DLGAP1: variants seen among roughly 807,000 people sequenced by gnomAD.
DLGAP1 encodes the protein disks large-associated protein 1.
DLGAP1 carries 11 observed loss-of-function variants against 90.8 expected under a neutral mutation model. The ratio of observed to expected loss-of-function variants is 0.12; its 90% CI spans 0.08 to 0.20. The LOEUF (loss-of-function observed/expected upper bound fraction) is 0.20, where lower values mean the gene tolerates loss of function less well. Ranked by LOEUF, DLGAP1 falls within the 10% of genes least tolerant of loss-of-function variation. DLGAP1 has a pLI of 1.00. For synonymous variants in DLGAP1, 558 were observed against 540.7 expected (o/e 1.03, Z -0.44); for missense variants, 1,050 against 1,333.8 (o/e 0.79, Z 3.31).
chr18:3,795,440 T>C (rs1240805592), intron 5 of DLGAP1, among the ~76,000 whole-genome samples: 1 of 151,824 alleles, frequency 6.6e-6, no homozygotes, highest in Non-Finnish European at 1.5e-5. Flanking sequence ...CTCAGCCTCC[T>C]GAGTAGCTGG....
intron 4 of DLGAP1, among the ~76,000 whole-genome samples, chr18:3,864,973 T>C (rs2070300241): frequency 6.6e-6 from 1 of 152,048 alleles, no homozygotes; most frequent in Admixed American, 6.6e-5. Flanking sequence ...AAACACTTAG[T>C]TAACACTCTG....
chr18:3,936,609 T>C (rs989514593), intron 3 of DLGAP1, among the ~76,000 whole-genome samples: 2 of 152,232 alleles, frequency 1.3e-5, no homozygotes, highest in Non-Finnish European at 2.9e-5. Flanking sequence ...AGATTGTGAA[T>C]ACCTTGAGAT....
chr18:4,328,228 C>T (rs1255951604), intron 1 of DLGAP1, among the ~76,000 whole-genome samples: 3 of 151,866 alleles, frequency 2.0e-5, no homozygotes, highest in Non-Finnish European at 4.4e-5. Context: ...TTTTTCCTCG[C>T]TCTCTCTCTT....
Position 3,724,803 on chromosome 18 carries a change from G to A in DLGAP1, c.1591+4332C>T, listed in dbSNP as rs72860453. On this transcript the variant is annotated intron_variant, in intron 7 of 12. Transcript: ENST00000315677. ...CTGTATTCCCAGCTACCTGAGTTCAGGAGGCTGAGGTGGAGGATCGCAGTC... is the reference window on the plus strand; with the variant it reads ...CTGTATTCCCAGCTACCTGAGTTCAAGAGGCTGAGGTGGAGGATCGCAGTC... Among the ~76,000 whole-genome samples, 568 of 152,028 alleles carry A rather than the reference G, an allele frequency of 3.7e-3. 5 individuals are homozygous for A. The highest frequency in any genetic ancestry group is 0.01 in the Middle Eastern group (3 of 294).
chr18:3,546,993 A>G (rs937630359), intron 9 of DLGAP1, among the ~76,000 whole-genome samples: 30 of 151,618 alleles, frequency 2.0e-4, no homozygotes, highest in Admixed American at 1.3e-4. Context: ...AAAAAAAAGG[A>G]CACATATTAC....
chr18:3,946,791 A>G (rs901495695), intron 3 of DLGAP1, among the ~76,000 whole-genome samples: 3 of 152,230 alleles, frequency 2.0e-5, no homozygotes, highest in African/African-American at 7.2e-5. Flanking sequence ...AAAGATACCA[A>G]AAATGATCTG....
intron 10 of DLGAP1, among the ~76,000 whole-genome samples, chr18:3,528,422 C>G (rs1568136096): frequency 6.6e-6 from 1 of 152,186 alleles, no homozygotes; most frequent in African/African-American, 2.4e-5. Context: ...GTTATCAGAA[C>G]AGAGTGGTGC....
chr18:4,067,370 G>GAGGAAGGA (rs113554683), intron 2 of DLGAP1, among the ~76,000 whole-genome samples: 8 of 151,654 alleles, frequency 5.3e-5, no homozygotes, highest in South Asian at 4.2e-4. Context: ...AGGAGGGAGG[G>GAGGAAGGA]AGGAAGGAAG....
rs2049757911 is a variant in DLGAP1, at chr18:3,498,226, A to G, written c.*959T>C. The G allele has an allele frequency of 6.6e-6, 1 of 152,214 alleles. No individual in the cohort carries two copies. Among genetic ancestry groups the G allele is most frequent in the African/African-American group, 2.4e-5 (1 of 41,448 alleles). 9.4% of individuals were successfully genotyped at this position (152,214 alleles called of 1,614,324 possible). A position where few individuals can be genotyped will look rare whatever the true frequency, so the allele number is the denominator to read the frequency against. ...ATCAGGTAGGCCCACCTGGATGGAC[A>G]CTTAACAAATTAATAGAACCAACAC... is the stretch of plus-strand genomic sequence containing the variant. On this transcript the variant is annotated 3_prime_UTR_variant, in exon 13 of 13. Coordinates refer to ENST00000315677, the MANE Select transcript of DLGAP1 (RefSeq NM_004746.4).
At chr18:4,311,872 C>T (rs62085582) in intron 1 of DLGAP1, among the ~76,000 whole-genome samples, 10 of 152,178 alleles carry the variant, frequency 6.6e-5, no homozygotes. Flanking sequence ...CCCGCCACCA[C>T]GCCCGGCTAA....
At chr18:3,661,384 C>T (rs535570994) in intron 7 of DLGAP1, among the ~76,000 whole-genome samples, 5 of 152,282 alleles carry the variant, frequency 3.3e-5, no homozygotes, top group African/African-American at 7.2e-5. Flanking sequence ...GGAAATGATG[C>T]TGTCTGCCCA....
intron 2 of DLGAP1, among the ~76,000 whole-genome samples, chr18:4,117,851 A>T (rs899053422): frequency 6.6e-6 from 1 of 152,082 alleles, no homozygotes; most frequent in Non-Finnish European, 1.5e-5. Flanking sequence ...GCTGTGGTGA[A>T]GTTTGTGCTT....
At chr18:4,204,163 T>A (rs779610843) in intron 1 of DLGAP1, among the ~76,000 whole-genome samples, 9 of 152,144 alleles carry the variant, frequency 5.9e-5, no homozygotes, top group Admixed American at 1.3e-4. Flanking sequence ...TTCTTTCAAC[T>A]GTCTGTACAT....
At chr18:4,154,505 T>C (rs1175240679) in intron 1 of DLGAP1, among the ~76,000 whole-genome samples, 1 of 152,288 alleles carries the variant, frequency 6.6e-6, no homozygotes, top group South Asian at 2.1e-4. Flanking sequence ...AGTTACGGTA[T>C]TCCAAGAGGC....
chr18:3,708,056 A>G (rs774789462), intron 7 of DLGAP1, among the ~76,000 whole-genome samples: 2 of 149,638 alleles, frequency 1.3e-5, no homozygotes, highest in Non-Finnish European at 3.0e-5. Flanking sequence ...CCCAGGCTGG[A>G]GTGCAGTGGC....
chr18:4,377,464 T>C (rs1048126230), intron 1 of DLGAP1, among the ~76,000 whole-genome samples: 3 of 152,166 alleles, frequency 2.0e-5, no homozygotes, highest in African/African-American at 2.4e-5. Flanking sequence ...TTTTGTCAGT[T>C]TGAGAAAACA....
intron 1 of DLGAP1, among the ~76,000 whole-genome samples, chr18:4,406,015 C>T (rs113673115): frequency 2.9e-4 from 44 of 152,310 alleles, no homozygotes; most frequent in Non-Finnish European, 5.6e-4. Flanking sequence ...GGTATTTAAA[C>T]CGTAGAGGAT....
At position 3,879,013 on chromosome 18, in the gene DLGAP1, A is replaced by G. The variant is rs1332002837; in HGVS notation, c.957+99T>C. On this transcript the variant is annotated intron_variant, in intron 4 of 12. Coordinates refer to ENST00000315677, the MANE Select transcript of DLGAP1 (RefSeq NM_004746.4). The surrounding 1 kb of genome is among the most constrained non-coding windows in gnomAD (Gnocchi z 6.6). The stretch of plus-strand genomic sequence containing the variant: ...AATTTGCACAGGTTCCTATCTTAAT[A>G]GACAATTCAGAGTAGTGCCAAGACT... 3.0e-6 allele frequency: 3 copies of G among 1,009,386 alleles called. No homozygotes were observed. In the East Asian group the frequency reaches 8.3e-5, roughly 28 times the overall value. The allele number at this position is 1,009,386 out of a possible 1,614,324, so 62.5% of individuals were successfully genotyped here. A position where few individuals can be genotyped will look rare whatever the true frequency, so the allele number is the denominator to read the frequency against.
chr18:4,411,727 G>GATC (rs1354720951), intron 1 of DLGAP1, among the ~76,000 whole-genome samples: 9 of 152,114 alleles, frequency 5.9e-5, no homozygotes, highest in Non-Finnish European at 1.5e-5. Context: ...TTGGATTCTG[G>GATC]CCATAGGCTA....
Sources: allele counts gnomAD v4.1 joint callset (sites outside exome capture counted in the v4.1 genomes callset), GRCh38; gene constraint gnomAD v4.1.1; non-coding constraint Gnocchi (gnomAD v3.1); transcripts MANE v1.5; gene names NCBI Gene and HGNC (gene_info 2026-07-23, HGNC 2026-07-21).